The following CTNNA2 variants were observed in gnomAD, a reference collection of about 807,000 sequenced individuals.
The protein encoded by CTNNA2 is catenin alpha 2.
Under a neutral mutation model 101.0 loss-of-function variants are expected in CTNNA2, and 42 were observed. The ratio of observed to expected loss-of-function variants is 0.42; its 90% CI spans 0.32 to 0.54. The LOEUF is 0.54. CTNNA2 is among the 20% of genes least tolerant of loss of function. The pLI, the probability that CTNNA2 is intolerant of heterozygous loss-of-function variation, is 0.14. For synonymous variants in CTNNA2, 450 were observed against 456.4 expected (o/e 0.99, Z 0.18); for missense variants, 871 against 1,223.1 (o/e 0.71, Z 4.29).
At chr2:79,717,602 A>G (rs962375936) in intron 2 of CTNNA2, among the ~76,000 whole-genome samples, 3 of 152,218 alleles carry the variant, frequency 2.0e-5, no homozygotes, top group Non-Finnish European at 4.4e-5. Context: ...TCTAAACAGC[A>G]GTGTCTGCTA....
At chr2:80,294,785 C>G (rs1333012167) in intron 7 of CTNNA2, among the ~76,000 whole-genome samples, 1 of 152,180 alleles carries the variant, frequency 6.6e-6, no homozygotes, top group East Asian at 1.9e-4. Flanking sequence ...GGTTGACAAG[C>G]ACTCTGCTAG....
At chr2:80,066,123 C>G (rs1219272890) in intron 7 of CTNNA2, among the ~76,000 whole-genome samples, 1 of 152,172 alleles carries the variant, frequency 6.6e-6, no homozygotes, top group East Asian at 1.9e-4. Flanking sequence ...AAATTACCCT[C>G]ACATTGAGTA....
intron 9 of CTNNA2, among the ~76,000 whole-genome samples, chr2:80,523,633 T>A (rs936630522): frequency 1.3e-5 from 2 of 152,106 alleles, no homozygotes; most frequent in African/African-American, 4.8e-5. Flanking sequence ...GCTCCCCTGT[T>A]GTAAGGGTGT....
At chr2:79,597,123 T>G (rs1259107668) in intron 1 of CTNNA2, among the ~76,000 whole-genome samples, 1 of 152,218 alleles carries the variant, frequency 6.6e-6, no homozygotes, top group African/African-American at 2.4e-5. Flanking sequence ...TGCATGCACA[T>G]GCCTTTTGTG....
At chr2:79,331,184 A>C (rs1676862783) in intron 3 of CTNNA2, among the ~76,000 whole-genome samples, 1 of 152,028 alleles carries the variant, frequency 6.6e-6, no homozygotes, top group South Asian at 2.1e-4. Context: ...TCATCTGCTC[A>C]TCTCAAATGG....
intron 1 of CTNNA2, among the ~76,000 whole-genome samples, chr2:79,603,285 A>T (rs926800285): frequency 6.6e-6 from 1 of 152,216 alleles, no homozygotes; most frequent in Non-Finnish European, 1.5e-5. Flanking sequence ...TAAAAAGTGT[A>T]ACATTTTAGA....
chr2:79,385,843 T>A (rs1046049679), intron 4 of CTNNA2, among the ~76,000 whole-genome samples: 3 of 152,176 alleles, frequency 2.0e-5, no homozygotes, highest in Non-Finnish European at 2.9e-5. Flanking sequence ...TTCATCCATA[T>A]CCCTGCAAAG....
At position 80,615,731 on chromosome 2, in the gene CTNNA2, C is replaced by G. The variant is rs575360089; in HGVS notation, c.2431-3354C>G. On this transcript the variant is annotated intron_variant, in intron 17 of 18. Transcript: ENST00000402739. ...CAGATTATTTTGTCAAGTGCTTTTT[C>G]CAGCCTAAGTTAAATCATTTATAAA... Among the ~76,000 whole-genome samples the G allele has an allele frequency of 4.0e-5, 6 of 151,642 alleles. No homozygotes were observed. In the East Asian group the frequency reaches 1.2e-3, roughly 30 times the overall value.
At chr2:80,492,062 C>T (rs140292679) in intron 9 of CTNNA2, among the ~76,000 whole-genome samples, 1 of 152,196 alleles carries the variant, frequency 6.6e-6, no homozygotes, top group African/African-American at 2.4e-5. Context: ...ATTTGTGTCC[C>T]CACCCAAATC....
intron 15 of CTNNA2, among the ~76,000 whole-genome samples, chr2:80,600,683 T>A: frequency 6.6e-6 from 1 of 152,166 alleles, no homozygotes; most frequent in East Asian, 1.9e-4. Flanking sequence ...TTTTAACGTC[T>A]AAACGACTGA....
intron 7 of CTNNA2, among the ~76,000 whole-genome samples, chr2:79,994,421 A>G (rs959294389): frequency 6.6e-6 from 1 of 152,146 alleles, no homozygotes; most frequent in African/African-American, 2.4e-5. Context: ...GCTCATAGAC[A>G]TTCTTGTACA....
At position 80,621,406 on chromosome 2, in the gene CTNNA2, T is replaced by G. The variant is rs558470376; in HGVS notation, c.2574+2178T>G. ...CCTACCTGATATACTGCTATTTGGT[T>G]AATAATAGATGTGGCTGAGCCATTT... On this transcript the variant is annotated intron_variant, in intron 18 of 18. Transcript: ENST00000402739. 2.0e-5 allele frequency among the ~76,000 whole-genome samples: 3 copies of G among 152,100 alleles called. No homozygotes were observed. In the South Asian group the frequency reaches 6.2e-4, roughly 32 times the overall value.
intron 2 of CTNNA2, among the ~76,000 whole-genome samples, chr2:79,663,642 T>A (rs11676065): frequency 6.6e-6 from 1 of 152,052 alleles, no homozygotes; most frequent in African/African-American, 2.4e-5. Flanking sequence ...ACTCTTTTTT[T>A]TTAAAGTACA....
chr2:80,209,045 G>A (rs1165796378), intron 7 of CTNNA2, among the ~76,000 whole-genome samples: 1 of 152,086 alleles, frequency 6.6e-6, no homozygotes, highest in Non-Finnish European at 1.5e-5. Flanking sequence ...GAATTTTAAA[G>A]TAAATAGAAA....
At chr2:79,627,690 T>G (rs999152113) in intron 1 of CTNNA2, among the ~76,000 whole-genome samples, 11 of 152,260 alleles carry the variant, frequency 7.2e-5, no homozygotes, top group Non-Finnish European at 1.3e-4. Flanking sequence ...ACAGTTGATC[T>G]TTTGTGCTTC....
At chr2:79,383,668 G>A (rs975877554) in intron 4 of CTNNA2, among the ~76,000 whole-genome samples, 1 of 152,164 alleles carries the variant, frequency 6.6e-6, no homozygotes, top group Non-Finnish European at 1.5e-5. Context: ...CGAGCCCTAG[G>A]TGGTTTTGGG....
intron 3 of CTNNA2, among the ~76,000 whole-genome samples, chr2:79,852,892 A>G (rs977418351): frequency 8.0e-5 from 12 of 150,788 alleles, no homozygotes; most frequent in Admixed American, 2.0e-4. Context: ...GCACAGCCGC[A>G]GTTTAACCCT....
At chr2:79,700,797 T>A (rs896137420) in intron 2 of CTNNA2, among the ~76,000 whole-genome samples, 1 of 152,224 alleles carries the variant, frequency 6.6e-6, no homozygotes, top group African/African-American at 2.4e-5. Context: ...TAGGCTGTTC[T>A]ACTGAATCAT....
intron 4 of CTNNA2, among the ~76,000 whole-genome samples, chr2:79,402,582 G>GTC (rs1297754942): frequency 1.3e-5 from 2 of 151,420 alleles, no homozygotes; most frequent in East Asian, 1.9e-4. Flanking sequence ...TATAAATATG[G>GTC]TCTCTCTCTC....
Sources: allele counts gnomAD v4.1 joint callset (sites outside exome capture counted in the v4.1 genomes callset), GRCh38; gene constraint gnomAD v4.1.1; transcripts MANE v1.5; gene names NCBI Gene and HGNC (gene_info 2026-07-23, HGNC 2026-07-21).